The following PPP1R9A variants were observed in gnomAD, a reference collection of about 807,000 sequenced individuals.
The protein encoded by PPP1R9A is protein phosphatase 1 regulatory subunit 9A.
Under a neutral mutation model 141.9 loss-of-function variants are expected in PPP1R9A, and 59 were observed. The ratio of observed to expected loss-of-function variants is 0.42; its 90% confidence interval spans 0.34 to 0.52. PPP1R9A has a LOEUF of 0.52. PPP1R9A is among the 20% of genes least tolerant of loss of function. The pLI is 0.10. For missense variants in PPP1R9A, 1,444 were observed against 1,611.9 expected (o/e 0.90, Z 1.78); for synonymous variants, 500 against 569.7 (o/e 0.88, Z 1.74).
chr7:95,033,174 T>TC (rs1178215707), intron 2 of PPP1R9A, among the ~76,000 whole-genome samples: 1 of 130,164 alleles, frequency 7.7e-6, no homozygotes, highest in Non-Finnish European at 1.8e-5. Flanking sequence ...CTGGCTAATT[T>TC]TTTTTTTTTT....
chr7:95,126,460 G>T (rs1418951590), intron 4 of PPP1R9A, among the ~76,000 whole-genome samples: 1 of 152,098 alleles, frequency 6.6e-6, no homozygotes, highest in Admixed American at 6.6e-5. Context: ...TTTGTTTATG[G>T]TAAGCACATG....
At chr7:95,273,766 A>G (rs1802629457) in intron 14 of PPP1R9A, 133 bp from the exon 15 acceptor site, 11 of 859,888 alleles carry the variant, frequency 1.3e-5, no homozygotes, top group South Asian at 5.4e-5. Flanking sequence ...TAGGTCGTAT[A>G]AGAAGGCATT....
chr7:94,953,237 C>T (rs1357566898), intron 2 of PPP1R9A, among the ~76,000 whole-genome samples: 1 of 152,040 alleles, frequency 6.6e-6, no homozygotes, highest in Non-Finnish European at 1.5e-5. Flanking sequence ...TTGCTTGTTT[C>T]TGTCAGGTTT....
intron 2 of PPP1R9A, among the ~76,000 whole-genome samples, chr7:94,965,380 A>G (rs1381526571): frequency 6.6e-6 from 1 of 152,076 alleles, no homozygotes; most frequent in East Asian, 1.9e-4. Flanking sequence ...TGTTTTAGTC[A>G]TGAAGTCTTT....
At chr7:94,921,316 G>A (rs1297291747) in intron 2 of PPP1R9A, among the ~76,000 whole-genome samples, 2 of 151,824 alleles carry the variant, frequency 1.3e-5, no homozygotes, top group Non-Finnish European at 2.9e-5. Flanking sequence ...GCGTGGTTGC[G>A]GGCGCCTGTA....
At chr7:95,072,610 A>G (rs894312180) in intron 2 of PPP1R9A, among the ~76,000 whole-genome samples, 1 of 131,020 alleles carries the variant, frequency 7.6e-6, no homozygotes, top group African/African-American at 2.9e-5. Flanking sequence ...GTGATTTTTT[A>G]AAAAATGTAA....
intron 8 of PPP1R9A, among the ~76,000 whole-genome samples, chr7:95,242,131 G>A (rs1797547222): frequency 6.6e-6 from 1 of 152,110 alleles, no homozygotes; most frequent in Non-Finnish European, 1.5e-5. Context: ...CTTTTCAGCA[G>A]AAATTACAAA....
chr7:95,272,242 CTT>C (rs1802320424), intron 14 of PPP1R9A, among the ~76,000 whole-genome samples: 1 of 152,232 alleles, frequency 6.6e-6, no homozygotes, highest in African/African-American at 2.4e-5. Flanking sequence ...CTCCTTTTAA[CTT>C]TGCATAGTCC....
chr7:95,251,982 A>C lies in PPP1R9A; in HGVS notation c.2517A>C (p.Val839=). Residue 839 remains valine (V), a synonymous_variant, in exon 12 of 20, where the codon GTA becomes GTC. Transcript: ENST00000433360. The stretch of plus-strand genomic sequence containing the variant: ...AGATTAGAGATTTGGAAGCTGAGGT[A>C]TTCAGGCTACTGAAGCAAAATGGGA... The part of the protein sequence containing the change: ...QVRIRDLEAE[V]FRLLKQNGTQ... The C allele has an allele frequency of 3.7e-6, 6 of 1,608,386 alleles. No homozygotes were observed. Among genetic ancestry groups the C allele is most frequent in the Non-Finnish European group, 5.1e-6 (6 of 1,178,598 alleles).
At chr7:95,044,731 T>TAA (rs1809757002) in intron 2 of PPP1R9A, among the ~76,000 whole-genome samples, 1 of 131,188 alleles carries the variant, frequency 7.6e-6, no homozygotes, top group Non-Finnish European at 1.6e-5. Context: ...TATATATATA[T>TAA]AATATATATA....
chr7:95,268,454 T>A lies in PPP1R9A; in HGVS notation c.2666-96T>A, dbSNP rs1801637610. On this transcript the variant is annotated intron_variant, in intron 12 of 19. Coordinates refer to ENST00000433360, the MANE Select transcript of PPP1R9A (RefSeq NM_001166160.2). ...TGGTGGTCACCTGATCCTTACCTGA[T>A]GTTACTGGTTACCTTGAGATTTTAT... The A allele has an allele frequency of 3.6e-6, 5 of 1,382,584 alleles. No individual in the cohort carries two copies. The South Asian group carries it at 6.6e-5, about 18-fold the overall frequency. The allele number at this position is 1,382,584 out of a possible 1,614,324, so 85.6% of individuals were successfully genotyped here.
At chr7:94,965,034 G>A (rs554516821) in intron 2 of PPP1R9A, among the ~76,000 whole-genome samples, 7 of 152,236 alleles carry the variant, frequency 4.6e-5, no homozygotes, top group South Asian at 2.1e-4. Flanking sequence ...GCATGAGATG[G>A]TATCTCATTG....
chr7:94,976,633 T>A (rs1584472907), intron 2 of PPP1R9A, among the ~76,000 whole-genome samples: 2 of 152,196 alleles, frequency 1.3e-5, no homozygotes, highest in African/African-American at 4.8e-5. Context: ...TTGTTTTGAC[T>A]GGTTGTGGTT....
chr7:95,182,763 T>A (rs1834046930), intron 5 of PPP1R9A, among the ~76,000 whole-genome samples: 1 of 152,106 alleles, frequency 6.6e-6, no homozygotes, highest in South Asian at 2.1e-4. Context: ...GGATGTTAGA[T>A]CTCCTTAATG....
intron 16 of PPP1R9A, among the ~76,000 whole-genome samples, chr7:95,277,550 C>T (rs1392724148): frequency 6.6e-6 from 1 of 152,096 alleles, no homozygotes; most frequent in African/African-American, 2.4e-5. Flanking sequence ...TCAGCTCAGC[C>T]TTCTGAGTAC....
intron 4 of PPP1R9A, among the ~76,000 whole-genome samples, chr7:95,135,854 CTT>C (rs58872136): frequency 1.5e-3 from 106 of 73,046 alleles, no homozygotes; most frequent in South Asian, 2.5e-3. Flanking sequence ...TTCAGCTTTA[CTT>C]TTTTTTTTTT....
chr7:94,922,065 A>C (rs757842693), intron 2 of PPP1R9A, among the ~76,000 whole-genome samples: 6 of 150,452 alleles, frequency 4.0e-5, no homozygotes, highest in Non-Finnish European at 7.4e-5. Context: ...TATTTAGGAT[A>C]GATTCCTAAA....
chr7:95,112,040 GA>G lies in PPP1R9A; in HGVS notation c.1528+659del, dbSNP rs962466353. Reference sequence around the variant, plus strand: ...GAAATAACACCTCTGAGAGAGCTTTGAAAAAAAAAAGAGTAGAACAAACAGA... The same window carrying G: ...GAAATAACACCTCTGAGAGAGCTTTGAAAAAAAAAGAGTAGAACAAACAGA... On this transcript the variant is annotated intron_variant, in intron 3 of 19. Transcript: ENST00000433360. Among the ~76,000 whole-genome samples the G allele has an allele frequency of 2.0e-4, 29 of 142,618 alleles. No individual in the cohort carries two copies. In the South Asian group the frequency reaches 3.5e-3, roughly 17 times the overall value. The allele number at this position is 142,618 out of a possible 152,430, so 93.6% of individuals were successfully genotyped here. A position where few individuals can be genotyped will look rare whatever the true frequency, so the allele number is the denominator to read the frequency against.
chr7:94,913,952 T>C (rs1431888097), intron 2 of PPP1R9A, among the ~76,000 whole-genome samples: 1 of 152,222 alleles, frequency 6.6e-6, no homozygotes, highest in East Asian at 1.9e-4. Context: ...GTGAGTCCTT[T>C]AGTGGCACTT....
Sources: allele counts gnomAD v4.1 joint callset (sites outside exome capture counted in the v4.1 genomes callset), GRCh38; gene constraint gnomAD v4.1.1; transcripts MANE v1.5; gene names NCBI Gene and HGNC (gene_info 2026-07-23, HGNC 2026-07-21).